The following CBFB variants were observed in gnomAD, a reference collection of about 807,000 sequenced individuals.
CBFB encodes core-binding factor subunit beta.
In CBFB, 9 loss-of-function variants were observed where a neutral mutation model predicts 30.4. The ratio of observed to expected loss-of-function variants is 0.30; its 90% CI spans 0.18 to 0.52. The LOEUF is 0.52. CBFB is among the 20% of genes least tolerant of loss of function. The pLI is 0.97. For synonymous variants in CBFB, 94 were observed against 84.0 expected (o/e 1.12, Z -0.65); for missense variants, 170 against 244.0 (o/e 0.70, Z 2.02).
At chr16:67,038,068 T>C (rs1161113304) in intron 3 of CBFB, among the ~76,000 whole-genome samples, 2 of 152,088 alleles carry the variant, frequency 1.3e-5, no homozygotes, top group African/African-American at 2.4e-5. Context: ...GAAACCCTCT[T>C]TTAAATATAG....
In CBFB at chr16:67,053,506, C is replaced by T. The variant is rs142239332; in HGVS notation, c.283-13176C>T. Among the ~76,000 whole-genome samples the T allele has an allele frequency of 1.6e-3, 242 of 152,064 alleles. 1 individual carries two copies. Among genetic ancestry groups the T allele is most frequent in the African/African-American group, 5.5e-3 (229 of 41,528 alleles). On this transcript the variant is annotated intron_variant, in intron 3 of 5. Transcript: ENST00000412916. ...TCCTGACCTTGTGATCCACACTCTTCGGCCTCCCAAAGTGCTGGGATTACA... is the reference window on the plus strand; with the variant it reads ...TCCTGACCTTGTGATCCACACTCTTTGGCCTCCCAAAGTGCTGGGATTACA...
chr16:67,041,288 T>G (rs1462690729), intron 3 of CBFB, among the ~76,000 whole-genome samples: 1 of 152,148 alleles, frequency 6.6e-6, no homozygotes, highest in African/African-American at 2.4e-5. Flanking sequence ...TTTGACAGAC[T>G]CATGCTAGCT....
chr16:67,068,533 CTG>C (rs1394547237), intron 4 of CBFB, among the ~76,000 whole-genome samples: 2 of 152,118 alleles, frequency 1.3e-5, no homozygotes, highest in Admixed American at 6.5e-5. Flanking sequence ...CTGTGCACTG[CTG>C]TGGAAAACAG....
intron 3 of CBFB, among the ~76,000 whole-genome samples, chr16:67,056,140 A>G (rs1960716810): frequency 6.6e-6 from 1 of 152,174 alleles, no homozygotes; most frequent in Non-Finnish European, 1.5e-5. Context: ...ATAAGTTTTC[A>G]TTTTGTGCTT....
intron 3 of CBFB, among the ~76,000 whole-genome samples, chr16:67,064,591 T>C (rs560012540): frequency 1.1e-4 from 17 of 152,338 alleles, no homozygotes; most frequent in African/African-American, 3.4e-4. Flanking sequence ...ATTTCTCTTA[T>C]ATTGTTTATC....
chr16:67,040,794 A>G (rs1333694290), intron 3 of CBFB, among the ~76,000 whole-genome samples: 2 of 152,236 alleles, frequency 1.3e-5, no homozygotes, highest in African/African-American at 2.4e-5. Flanking sequence ...GCAGTTTTAA[A>G]TTGAGTGGTC....
intron 3 of CBFB, among the ~76,000 whole-genome samples, chr16:67,052,710 G>A (rs1960589818): frequency 6.6e-6 from 1 of 151,702 alleles, no homozygotes; most frequent in African/African-American, 2.4e-5. Flanking sequence ...ACCTATAATT[G>A]CAGCACTTTC....
chr16:67,085,371 TGTTGGTCAGGCTG>T (rs1166771431), intron 5 of CBFB, among the ~76,000 whole-genome samples: 1 of 152,020 alleles, frequency 6.6e-6, no homozygotes, highest in African/African-American at 2.4e-5. Context: ...GGTTTCACCA[TGTTGGTCAGGCTG>T]GTCTCAAACA....
At chr16:67,079,696 G>A (rs903828758) in intron 4 of CBFB, among the ~76,000 whole-genome samples, 6 of 152,068 alleles carry the variant, frequency 3.9e-5, no homozygotes, top group Non-Finnish European at 7.4e-5. Flanking sequence ...AAACTTTCTT[G>A]GAAGCCCCAT....
intron 5 of CBFB, among the ~76,000 whole-genome samples, chr16:67,097,545 C>CA (rs1416293585): frequency 0.025 from 1,199 of 48,396 alleles, 18 homozygotes; most frequent in African/African-American, 0.062. Flanking sequence ...AACTCCGTCT[C>CA]AAAAAAAAAA....
chr16:67,045,119 C>T (rs1017181036), intron 3 of CBFB, among the ~76,000 whole-genome samples: 2 of 151,922 alleles, frequency 1.3e-5, no homozygotes, highest in Non-Finnish European at 2.9e-5. Context: ...ATATTTGACA[C>T]CTTTGTAGCT....
At position 67,029,293 on chromosome 16, in the gene CBFB, G is replaced by A. The variant is rs1966285171; in HGVS notation, c.-115G>A. ...CGCGGGCGGGCGCCTGAAACAAAGG[G>A]AAGCGGGCGTCCGGGCGCCGCGGGT... On this transcript the variant is annotated 5_prime_UTR_variant, in exon 1 of 6. Coordinates refer to ENST00000412916, the MANE Select transcript of CBFB (RefSeq NM_022845.3). 3.2e-6 allele frequency: 2 copies of A among 628,248 alleles called. No homozygotes were observed. The highest frequency in any genetic ancestry group is 4.6e-6 in the Non-Finnish European group (2 of 434,670). The allele number at this position is 628,248 out of a possible 1,614,324, so 38.9% of individuals were successfully genotyped here.
chr16:67,040,896 G>A lies in CBFB; in HGVS notation c.282+4141G>A, dbSNP rs372279500. On this transcript the variant is annotated intron_variant, in intron 3 of 5. Transcript: ENST00000412916. ...GTTGGGGGTGGAGGAGAGATGTTCC[G>A]GACAAAGGAAACAGCCATTATAAAG... is the stretch of plus-strand genomic sequence containing the variant. Among the ~76,000 whole-genome samples, 20 of 152,228 alleles carry A rather than the reference G, an allele frequency of 1.3e-4. No homozygotes were observed. In the South Asian group the frequency reaches 3.7e-3, roughly 28 times the overall value.
chr16:67,068,633 A>G (rs1353104940), intron 4 of CBFB, among the ~76,000 whole-genome samples: 1 of 152,242 alleles, frequency 6.6e-6, no homozygotes, highest in East Asian at 1.9e-4. Context: ...GAGTTGCTAC[A>G]GTATATTATC....
At chr16:67,044,899 AG>A (rs1248661237) in intron 3 of CBFB, among the ~76,000 whole-genome samples, 1 of 152,344 alleles carries the variant, frequency 6.6e-6, no homozygotes, top group Admixed American at 6.5e-5. Flanking sequence ...TTTCTTCAAG[AG>A]AAATTAGACA....
chr16:67,096,155 T>A (rs1044701985), intron 5 of CBFB, among the ~76,000 whole-genome samples: 1 of 151,556 alleles, frequency 6.6e-6, no homozygotes, highest in Non-Finnish European at 1.5e-5. Flanking sequence ...ACTAAAAATA[T>A]TTTAAAATTA....
At chr16:67,043,605 CAG>C (rs1966570766) in intron 3 of CBFB, among the ~76,000 whole-genome samples, 1 of 152,136 alleles carries the variant, frequency 6.6e-6, no homozygotes, top group Non-Finnish European at 1.5e-5. Flanking sequence ...AAACTAATAA[CAG>C]TATAATAGAA....
intron 3 of CBFB, among the ~76,000 whole-genome samples, chr16:67,041,483 G>C (rs1205963763): frequency 6.6e-6 from 1 of 152,122 alleles, no homozygotes; most frequent in Non-Finnish European, 1.5e-5. Context: ...GAAGAATAAA[G>C]AATGACTCTA....
chr16:67,097,071 C>G (rs1335509768), intron 5 of CBFB, among the ~76,000 whole-genome samples: 1 of 151,594 alleles, frequency 6.6e-6, no homozygotes, highest in Non-Finnish European at 1.5e-5. Flanking sequence ...CCTGTCTCTA[C>G]AAAGAATACA....
Sources: allele counts gnomAD v4.1 joint callset (sites outside exome capture counted in the v4.1 genomes callset), GRCh38; gene constraint gnomAD v4.1.1; transcripts MANE v1.5; gene names NCBI Gene and HGNC (gene_info 2026-07-23, HGNC 2026-07-21).